GNA14: variants seen among roughly 807,000 people sequenced by gnomAD.
The protein encoded by GNA14 is guanine nucleotide-binding protein subunit alpha-14.
Under a neutral mutation model 42.0 loss-of-function variants are expected in GNA14, and 50 were observed. The observed-to-expected ratio is 1.19, with a 90% CI of 0.95 to 1.51. The LOEUF is 1.51. Ranked by LOEUF, GNA14 falls within the 40% of genes most tolerant of loss-of-function variation. The pLI is 0.00. For synonymous variants in GNA14, 173 were observed against 163.1 expected (o/e 1.06, Z -0.46); for missense variants, 473 against 446.2 (o/e 1.06, Z -0.54).
At chr9:77,520,619 G>T (rs554261262) in intron 2 of GNA14, among the ~76,000 whole-genome samples, 1 of 152,170 alleles carries the variant, frequency 6.6e-6, no homozygotes, top group Admixed American at 6.5e-5. Context: ...AGGCTGGAGT[G>T]CAATGGCAAC....
intron 2 of GNA14, among the ~76,000 whole-genome samples, chr9:77,439,950 G>T (rs1835704000): frequency 1.3e-5 from 2 of 152,122 alleles, no homozygotes; most frequent in Admixed American, 6.5e-5. Flanking sequence ...AAAGGCAGAT[G>T]GATAAAATGG....
chr9:77,430,907 AT>A (rs2131688917), intron 4 of GNA14, among the ~76,000 whole-genome samples: 1 of 152,202 alleles, frequency 6.6e-6, no homozygotes, highest in African/African-American at 2.4e-5. Context: ...TGTATCCTTA[AT>A]TTTCTAAGGA....
chr9:77,459,671 G>A (rs1224917223), intron 2 of GNA14, among the ~76,000 whole-genome samples: 1 of 152,142 alleles, frequency 6.6e-6, no homozygotes, highest in Non-Finnish European at 1.5e-5. Flanking sequence ...CTACTTATAA[G>A]CTATTAGCAA....
At chr9:77,546,078 G>A (rs1008274479) in intron 1 of GNA14, among the ~76,000 whole-genome samples, 11 of 151,912 alleles carry the variant, frequency 7.2e-5, no homozygotes, top group African/African-American at 2.2e-4. Flanking sequence ...ATAGCCGGGC[G>A]TGGTGGCGGG....
At chr9:77,611,383 G>C (rs1428308117) in intron 1 of GNA14, among the ~76,000 whole-genome samples, 1 of 152,170 alleles carries the variant, frequency 6.6e-6, no homozygotes, top group African/African-American at 2.4e-5. Context: ...GTTACAGGAG[G>C]GGAACTCTGA....
rs1339565125 is a variant in GNA14 at position 77,529,210 on chromosome 9, T to G, written c.168A>C (p.Arg56Ser). Residue 56 changes from arginine (R) to serine (S), a missense_variant, in exon 2 of 7, where the codon AGA (arginine) becomes AGC (serine). Transcript: ENST00000341700. ...SGKSTFIKQMRIIHGSGYSDE... is the reference protein window; with the variant it reads ...SGKSTFIKQMSIIHGSGYSDE... Reference sequence around the variant, plus strand: ...CGCTGTAACCAGACCCATGGATAATTCTCATCTGCTTGATAAAGGTGCTTT... The same window carrying G: ...CGCTGTAACCAGACCCATGGATAATGCTCATCTGCTTGATAAAGGTGCTTT... 6.2e-7 allele frequency: 1 copy of G among 1,614,126 alleles called. No homozygotes were observed.
chr9:77,488,912 C>T (rs1836707565), intron 2 of GNA14, among the ~76,000 whole-genome samples: 1 of 151,832 alleles, frequency 6.6e-6, no homozygotes, highest in Admixed American at 6.6e-5. Flanking sequence ...AAACCATGGC[C>T]TCCTGAAATT....
intron 2 of GNA14, among the ~76,000 whole-genome samples, chr9:77,462,461 C>T (rs1374049038): frequency 6.6e-6 from 1 of 152,178 alleles, no homozygotes; most frequent in African/African-American, 2.4e-5. Flanking sequence ...TGGCTCATGC[C>T]TGTAATCCCA....
intron 1 of GNA14, among the ~76,000 whole-genome samples, chr9:77,632,809 A>C (rs922136088): frequency 6.6e-6 from 1 of 152,136 alleles, no homozygotes; most frequent in African/African-American, 2.4e-5. Context: ...GCCGGACCCC[A>C]TGCTCGCTCA....
chr9:77,479,403 C>T (rs540020271), intron 2 of GNA14, among the ~76,000 whole-genome samples: 17 of 152,130 alleles, frequency 1.1e-4, no homozygotes, highest in Non-Finnish European at 2.5e-4. Flanking sequence ...GGTACCAGTA[C>T]CATGCTGTTT....
At chr9:77,424,195 T>TA in intron 6 of GNA14, 26 bp from the exon 7 acceptor site, 1 of 1,537,914 alleles carries the variant, frequency 6.5e-7, no homozygotes, top group Non-Finnish European at 8.9e-7. Flanking sequence ...ATTACAGGAA[T>TA]AAAGACACAG....
chr9:77,602,947 A>T (rs1240637674), intron 1 of GNA14, among the ~76,000 whole-genome samples: 1 of 152,182 alleles, frequency 6.6e-6, no homozygotes, highest in East Asian at 1.9e-4. Context: ...TGTACTGTAC[A>T]CATTTAATCT....
chr9:77,602,334 A>C (rs1364011940), intron 1 of GNA14, among the ~76,000 whole-genome samples: 1 of 152,226 alleles, frequency 6.6e-6, no homozygotes, highest in Non-Finnish European at 1.5e-5. Flanking sequence ...TCTTTTCCCA[A>C]GACGAACAAA....
intron 1 of GNA14, among the ~76,000 whole-genome samples, chr9:77,621,544 C>A (rs547408727): frequency 1.3e-5 from 2 of 152,024 alleles, no homozygotes; most frequent in Non-Finnish European, 1.5e-5. Context: ...GGTTGGCTTA[C>A]GTAAAACAAA....
chr9:77,595,064 C>A (rs1823442815), intron 1 of GNA14, among the ~76,000 whole-genome samples: 1 of 152,196 alleles, frequency 6.6e-6, no homozygotes, highest in South Asian at 2.1e-4. Context: ...ACTTTCCACC[C>A]CTTGCTTGGC....
chr9:77,601,004 T>C (rs1211591233), intron 1 of GNA14, among the ~76,000 whole-genome samples: 1 of 152,046 alleles, frequency 6.6e-6, no homozygotes, highest in East Asian at 1.9e-4. Flanking sequence ...CGTCCGAGAA[T>C]CTCCGATGCG....
rs1457666200 is a variant in GNA14 at position 77,618,616 on chromosome 9, ATATAT to A, written c.124+29049_124+29053del. On this transcript the variant is annotated intron_variant, in intron 1 of 6. Transcript: ENST00000341700. ...TATATATATATATATATATATATAT[ATATAT>A]TTTTTTTTTTTTTTTTTTTTTTTTT... Among the ~76,000 whole-genome samples, 63 of 10,172 alleles carry A rather than the reference ATATAT, an allele frequency of 6.2e-3. 1 individual carries two copies. Among genetic ancestry groups the A allele is most frequent in the African/African-American group, 0.022 (56 of 2,546 alleles). The allele number at this position is 10,172 out of a possible 152,430, so 6.7% of individuals were successfully genotyped here.
At chr9:77,482,661 G>T (rs1015712755) in intron 2 of GNA14, among the ~76,000 whole-genome samples, 1 of 152,162 alleles carries the variant, frequency 6.6e-6, no homozygotes, top group Admixed American at 6.5e-5. Context: ...TTCCAACTTG[G>T]TTCCATTCTC....
intron 1 of GNA14, among the ~76,000 whole-genome samples, chr9:77,545,715 C>G (rs574911234): frequency 6.6e-6 from 1 of 152,012 alleles, no homozygotes; most frequent in African/African-American, 2.4e-5. Flanking sequence ...TCACACTGTT[C>G]CGCATTACTT....
Sources: allele counts gnomAD v4.1 joint callset (sites outside exome capture counted in the v4.1 genomes callset), GRCh38; gene constraint gnomAD v4.1.1; transcripts MANE v1.5; gene names NCBI Gene and HGNC (gene_info 2026-07-23, HGNC 2026-07-21).